Variants in TYK2 observed in about 807,000 individuals in gnomAD.
TYK2 encodes the protein tyrosine kinase 2.
TYK2 carries 65 observed loss-of-function variants against 130.9 expected under a neutral mutation model. The ratio of observed to expected loss-of-function variants is 0.50; its 90% CI spans 0.41 to 0.61. The LOEUF (loss-of-function observed/expected upper bound fraction) is 0.61, where lower values mean the gene tolerates loss of function less well. Ranked by LOEUF, TYK2 falls within the 20% of genes least tolerant of loss-of-function variation. The pLI is 0.00. For missense variants in TYK2, 1,378 were observed against 1,610.7 expected (o/e 0.86, Z 2.47); for synonymous variants, 647 against 658.9 (o/e 0.98, Z 0.28).
chr19:10,354,353 T>C (rs1381434310), intron 19 of TYK2, 119 bp from the exon 20 acceptor site: 1 of 1,376,654 alleles, frequency 7.3e-7, no homozygotes, highest in South Asian at 1.2e-5. Flanking sequence ...AGGCCCCGCC[T>C]ACTCCGCTCT....
Position 10,353,035 on chromosome 19 carries a change from G to A in TYK2, c.3091C>T (p.Leu1031=). Residue 1031 remains leucine, a synonymous_variant, in exon 22 of 25, where the codon CTG becomes TTG. Transcript: ENST00000525621. This position sits in a 1 kb window ranked among gnomAD's most constrained non-coding sequence, Gnocchi z 6.9. ...ATCTTGACCAGCCTGTCGTTGTCCA[G>A]CAGCACGTTGCGCGCGGCTAGGTCT... ...HRDLAARNVL[L]DNDRLVKIGD... is the part of the protein sequence containing the mutation. 6.3e-7 allele frequency: 1 copy of A among 1,598,850 alleles called. No individual in the cohort carries two copies. The highest frequency in any genetic ancestry group is 8.5e-7 in the Non-Finnish European group (1 of 1,171,948).
In TYK2 at chr19:10,378,359, C is replaced by A. The variant is rs747323076; in HGVS notation, c.48G>T (p.Gly16=). 1.2e-6 allele frequency: 2 copies of A among 1,612,418 alleles called. No homozygotes were observed. Among genetic ancestry groups the A allele is most frequent in the South Asian group, 1.1e-5 (1 of 91,084 alleles). The change falls in exon 3 of 25, where the codon GGG becomes GGT. Residue 16 remains glycine, a synonymous_variant. Transcript: ENST00000525621. ...WGMARGSKPV[G]DGAQPMAAMG... Reference sequence around the variant, plus strand: ...TGGCAGCCATGGGCTGGGCTCCATCCCCAACGGGCTTACTGCCCCTGGCCA... The same window carrying A: ...TGGCAGCCATGGGCTGGGCTCCATCACCAACGGGCTTACTGCCCCTGGCCA...
chr19:10,371,776 G>A (rs2041916034), intron 3 of TYK2, among the ~76,000 whole-genome samples: 1 of 152,076 alleles, frequency 6.6e-6, no homozygotes, highest in South Asian at 2.1e-4. Flanking sequence ...TCCTTCTCCC[G>A]GCTGCGCAGT....
chr19:10,368,148 A>G lies in TYK2; in HGVS notation c.372T>C (p.Arg124=), dbSNP rs371832787. The G allele has an allele frequency of 9.6e-5, 155 of 1,613,944 alleles. 2 individuals carry two copies. The highest frequency in any genetic ancestry group is 6.3e-4 in the South Asian group (57 of 91,070). ...ATGCCTCGGTTCCTGGGGGCCCACAACGGTACACAGCCGGTTCCCGAGGAT... is the reference window on the plus strand; with the variant it reads ...ATGCCTCGGTTCCTGGGGGCCCACAGCGGTACACAGCCGGTTCCCGAGGAT... ...GMNPREPAVY[R]CGPPGTEASS... is the part of the protein sequence containing the mutation. The change falls in exon 5 of 25, where the codon CGT becomes CGC. Residue 124 remains arginine (R), a synonymous_variant. Transcript: ENST00000525621.
At position 10,353,240 on chromosome 19, in the gene TYK2, C is replaced by A. The variant is rs1170840658; in HGVS notation, c.3028-142G>T. 9 of 669,762 alleles carry A rather than the reference C, an allele frequency of 1.3e-5. No individual in the cohort carries two copies. Among genetic ancestry groups the A allele is most frequent in the Non-Finnish European group, 2.1e-5 (9 of 432,484 alleles). The allele number at this position is 669,762 out of a possible 1,614,324, so 41.5% of individuals were successfully genotyped here. A position where few individuals can be genotyped will look rare whatever the true frequency, so the allele number is the denominator to read the frequency against. On this transcript the variant is annotated intron_variant, in intron 21 of 24. Coordinates refer to ENST00000525621, the MANE Select transcript of TYK2 (RefSeq NM_003331.5). This position sits in a 1 kb window ranked among gnomAD's most constrained non-coding sequence, Gnocchi z 6.9. Reference sequence around the variant, plus strand: ...GGCCGCTGGAGAGGGCCGGATGGCACGTGGCACCAAGCAAAAGGAGGCTGA... The same window carrying A: ...GGCCGCTGGAGAGGGCCGGATGGCAAGTGGCACCAAGCAAAAGGAGGCTGA...
At chr19:10,370,577 G>A (rs955716870) in intron 3 of TYK2, among the ~76,000 whole-genome samples, 2 of 151,608 alleles carry the variant, frequency 1.3e-5, no homozygotes, top group East Asian at 1.9e-4. Context: ...CAGCACTTTC[G>A]GAAGCTGAGG....
At chr19:10,377,572 G>GTGGGTGGATGAATGGATGGA (rs2042185701) in intron 3 of TYK2, among the ~76,000 whole-genome samples, 2 of 49,828 alleles carry the variant, frequency 4.0e-5, no homozygotes, top group African/African-American at 7.5e-5. Flanking sequence ...GGATGGGTGG[G>GTGGGTGGATGAATGGATGGA]TGGGTGGATG....
chr19:10,366,300 C>T, intron 6 of TYK2, 117 bp downstream of exon 6: 2 of 1,096,860 alleles, frequency 1.8e-6, no homozygotes, highest in South Asian at 3.2e-5. Flanking sequence ...GAGAGAGACT[C>T]CGGCTCAGAA....
chr19:10,357,973 C>G (rs771565714), intron 16 of TYK2, 30 bp downstream of exon 16: 5 of 1,613,482 alleles, frequency 3.1e-6, no homozygotes, highest in Non-Finnish European at 4.2e-6. Context: ...GGAAGCCCCC[C>G]ACTGTGCCCA....
At position 10,354,045 on chromosome 19, in the gene TYK2, G is replaced by C. The variant is rs1301255042; in HGVS notation, c.2905C>G (p.Gln969Glu). 2.5e-6 allele frequency: 4 copies of C among 1,614,036 alleles called. No individual in the cohort carries two copies. The Admixed American group carries it at 6.7e-5, about 27-fold the overall frequency. ...IIKYKGCCED[Q>E]GEKSLQLVME... The stretch of plus-strand genomic sequence containing the variant: ...GGACTCGCCGGGTCCCGCCCACCTT[G>C]GTCCTCGCAGCAGCCCTTGTACTTG... The change falls in exon 20 of 25, where the codon CAA becomes GAA. Residue 969 changes from glutamine to glutamate, a missense_variant. Transcript: ENST00000525621.
At chr19:10,372,484 A>ATATATATTTT (rs1390400916) in intron 3 of TYK2, among the ~76,000 whole-genome samples, 3 of 37,422 alleles carry the variant, frequency 8.0e-5, no homozygotes, top group Admixed American at 3.1e-4. Flanking sequence ...ATATATATAT[A>ATATATATTTT]TTTTTTTTTT....
rs1376883655 is a variant in TYK2, at chr19:10,357,817, G to A, written c.2413C>T (p.Leu805=). The A allele has an allele frequency of 1.2e-6, 2 of 1,613,582 alleles. No homozygotes were observed. The highest frequency in any genetic ancestry group is 1.7e-6 in the Non-Finnish European group (2 of 1,179,968). Reference sequence around the variant, plus strand: ...GCCTCTCCGTCAAAGCAGATCTCCAGGAGGGTGGCGCCAAACCCCCACTTG... The same window carrying A: ...GCCTCTCCGTCAAAGCAGATCTCCAAGAGGGTGGCGCCAAACCCCCACTTG... ...MDKWGFGATL[L]EICFDGEAPL... Residue 805 remains leucine (L), a synonymous_variant, in exon 17 of 25, where the codon CTG becomes TTG. Coordinates refer to ENST00000525621, the MANE Select transcript of TYK2 (RefSeq NM_003331.5).
At chr19:10,366,284 G>A in intron 6 of TYK2, 133 bp downstream of exon 6, 1 of 927,740 alleles carries the variant, frequency 1.1e-6, no homozygotes. Flanking sequence ...TCCAGCCTAG[G>A]TGACAGAGAG....
intron 23 of TYK2, 144 bp from the exon 24 acceptor site, chr19:10,351,306 G>C: frequency 1.6e-6 from 1 of 629,850 alleles, no homozygotes; most frequent in Non-Finnish European, 2.9e-6. Flanking sequence ...GGCCAACATG[G>C]TGAAACCCCA....
intron 18 of TYK2, 99 bp downstream of exon 18, chr19:10,356,469 G>T: frequency 1.3e-6 from 2 of 1,505,474 alleles, no homozygotes; most frequent in Non-Finnish European, 1.8e-6. Context: ...CACACACCCT[G>T]AACCACTGTG....
chr19:10,378,110 A>ATGGGTGGGTGGATGGG (rs1365954764), intron 3 of TYK2, 104 bp downstream of exon 3: 3 of 999,510 alleles, frequency 3.0e-6, no homozygotes, highest in Non-Finnish European at 4.1e-6. Context: ...GAGTGGGTGG[A>ATGGGTGGGTGGATGGG]TGGGTGGGTG....
chr19:10,356,480 C>A (rs558755337), intron 18 of TYK2, 88 bp downstream of exon 18: 1 of 1,555,822 alleles, frequency 6.4e-7, no homozygotes, highest in South Asian at 1.1e-5. Flanking sequence ...AACCACTGTG[C>A]AGAGACCTCT....
At chr19:10,359,390 G>C in intron 14 of TYK2, 88 bp from the exon 15 acceptor site, 1 of 1,521,524 alleles carries the variant, frequency 6.6e-7, no homozygotes, top group Non-Finnish European at 8.9e-7. Flanking sequence ...GGAGGGACTT[G>C]GCATGTGGCT....
chr19:10,367,810 C>T (rs187091845), intron 5 of TYK2, among the ~76,000 whole-genome samples: 9 of 151,484 alleles, frequency 5.9e-5, no homozygotes, highest in Admixed American at 4.6e-4. Flanking sequence ...GTCCCAGCTA[C>T]TTGGGAGGCT....
Sources: allele counts gnomAD v4.1 joint callset (sites outside exome capture counted in the v4.1 genomes callset), GRCh38; gene constraint gnomAD v4.1.1; non-coding constraint Gnocchi (gnomAD v3.1); transcripts MANE v1.5; gene names NCBI Gene and HGNC (gene_info 2026-07-23, HGNC 2026-07-21).